Variants in ADAMTS3 observed in about 807,000 individuals in gnomAD.
ADAMTS3 encodes the protein ADAM metallopeptidase with thrombospondin type 1 motif 3.
In ADAMTS3, 73 loss-of-function variants were observed where a neutral mutation model predicts 129.0. The observed-to-expected ratio is 0.57, with a 90% CI of 0.47 to 0.69. ADAMTS3 has a LOEUF of 0.69. Ranked by LOEUF, ADAMTS3 falls within the 30% of genes least tolerant of loss-of-function variation. The probability of loss-of-function intolerance (pLI) is 0.00; values close to 1 mark genes in which losing one functional copy is unlikely to be tolerated. For missense variants in ADAMTS3, 1,457 were observed against 1,514.5 expected (o/e 0.96, Z 0.63); for synonymous variants, 477 against 510.8 (o/e 0.93, Z 0.89).
At chr4:72,294,652 C>A (rs763885222) in intron 19 of ADAMTS3, among the ~76,000 whole-genome samples, 25 of 152,128 alleles carry the variant, frequency 1.6e-4, no homozygotes, top group Middle Eastern at 6.8e-3. Context: ...AATTTCATCA[C>A]TGGGATTTCA....
intron 5 of ADAMTS3, among the ~76,000 whole-genome samples, chr4:72,328,499 A>C (rs1719754024): frequency 6.6e-6 from 1 of 152,148 alleles, no homozygotes; most frequent in African/African-American, 2.4e-5. Flanking sequence ...ATAGCTTAGC[A>C]GTGGAGAGCA....
intron 5 of ADAMTS3, among the ~76,000 whole-genome samples, chr4:72,325,727 T>C (rs1019995966): frequency 5.3e-5 from 8 of 152,156 alleles, no homozygotes; most frequent in African/African-American, 1.9e-4. Context: ...TTACAGCCAA[T>C]GCATATAACA....
At chr4:72,434,915 T>C (rs531955097) in intron 3 of ADAMTS3, among the ~76,000 whole-genome samples, 81 of 151,890 alleles carry the variant, frequency 5.3e-4, no homozygotes, top group African/African-American at 1.9e-3. Context: ...GGAGAAAAGA[T>C]TGGTTTCTAG....
chr4:72,306,225 G>A (rs533079355), intron 15 of ADAMTS3, among the ~76,000 whole-genome samples, 158 bp from the exon 16 acceptor site: 1 of 152,034 alleles, frequency 6.6e-6, no homozygotes, highest in South Asian at 2.1e-4. Flanking sequence ...AGCATTGGTA[G>A]CTTTTGTGAC....
At chr4:72,337,880 T>G (rs80103135) in intron 5 of ADAMTS3, among the ~76,000 whole-genome samples, 1 of 152,150 alleles carries the variant, frequency 6.6e-6, no homozygotes, top group Non-Finnish European at 1.5e-5. Flanking sequence ...AAAATCTCTA[T>G]TGCATTACTC....
chr4:72,509,328 G>A (rs752825357), intron 3 of ADAMTS3, among the ~76,000 whole-genome samples: 8 of 151,316 alleles, frequency 5.3e-5, no homozygotes, highest in Non-Finnish European at 7.4e-5. Context: ...AAAGATCAAC[G>A]AAACAAAAAA....
At chr4:72,477,299 CTCA>C (rs1255519186) in intron 3 of ADAMTS3, among the ~76,000 whole-genome samples, 4 of 152,122 alleles carry the variant, frequency 2.6e-5, no homozygotes, top group Non-Finnish European at 4.4e-5. Flanking sequence ...AAGTAAAGCT[CTCA>C]TCAGCAAATG....
At position 72,290,939 on chromosome 4, in the gene ADAMTS3, G is replaced by A; in HGVS notation, c.2847C>T (p.Tyr949=). Residue 949 remains tyrosine, a synonymous_variant, in exon 20 of 22, where the codon TAC becomes TAT. Coordinates refer to ENST00000286657, the MANE Select transcript of ADAMTS3 (RefSeq NM_014243.3). ...GGCTCTCGGGACGGTCACCCATGCA[G>A]TATTTGCTGTGCACAGAGCGGTTGG... ...DGTNRSVHSK[Y]CMGDRPESRR... 1.2e-6 allele frequency: 2 copies of A among 1,614,108 alleles called. No individual in the cohort carries two copies. Among genetic ancestry groups the A allele is most frequent in the Non-Finnish European group, 1.7e-6 (2 of 1,179,986 alleles).
intron 5 of ADAMTS3, among the ~76,000 whole-genome samples, chr4:72,333,479 T>C (rs1002199604): frequency 6.6e-6 from 1 of 152,200 alleles, no homozygotes; most frequent in Non-Finnish European, 1.5e-5. Flanking sequence ...CATTGTCTAA[T>C]AAAGCATCCT....
intron 3 of ADAMTS3, among the ~76,000 whole-genome samples, chr4:72,539,342 G>T (rs1319320620): frequency 6.6e-6 from 1 of 151,800 alleles, no homozygotes; most frequent in Non-Finnish European, 1.5e-5. Flanking sequence ...ATGAGCAAAT[G>T]ACTTCAGTAG....
chr4:72,503,313 T>C (rs1281558891), intron 3 of ADAMTS3, among the ~76,000 whole-genome samples: 1 of 152,144 alleles, frequency 6.6e-6, no homozygotes, highest in Non-Finnish European at 1.5e-5. Flanking sequence ...GAGACACCAC[T>C]CCCAGCCTTG....
chr4:72,442,872 G>T (rs1275653809), intron 3 of ADAMTS3, among the ~76,000 whole-genome samples: 8 of 151,700 alleles, frequency 5.3e-5, no homozygotes, highest in Non-Finnish European at 5.9e-5. Context: ...GTAGAAAGGG[G>T]TGACAGATAT....
intron 4 of ADAMTS3, among the ~76,000 whole-genome samples, chr4:72,407,290 C>A (rs1191836690): frequency 1.8e-4 from 28 of 152,070 alleles, no homozygotes; most frequent in Non-Finnish European, 8.8e-5. Context: ...GGTTCTAATA[C>A]CCCAATTTCC....
At chr4:72,549,593 T>C (rs1028300162) in intron 2 of ADAMTS3, among the ~76,000 whole-genome samples, 3 of 152,074 alleles carry the variant, frequency 2.0e-5, no homozygotes, top group East Asian at 1.9e-4. Context: ...TTTTAGAAAA[T>C]TAGAAGAATG....
chr4:72,447,011 A>G (rs1718269491), intron 3 of ADAMTS3, among the ~76,000 whole-genome samples: 1 of 151,732 alleles, frequency 6.6e-6, no homozygotes, highest in South Asian at 2.1e-4. Flanking sequence ...TGAATCAGAC[A>G]ATACAGTAAA....
intron 4 of ADAMTS3, among the ~76,000 whole-genome samples, chr4:72,400,051 TG>T (rs1721856406): frequency 6.8e-5 from 1 of 14,662 alleles, no homozygotes; most frequent in Admixed American, 8.1e-4. Flanking sequence ...ACACACGGTG[TG>T]TATATACGTG....
chr4:72,469,257 T>C (rs1344968660), intron 3 of ADAMTS3, among the ~76,000 whole-genome samples: 1 of 152,114 alleles, frequency 6.6e-6, no homozygotes, highest in African/African-American at 2.4e-5. Flanking sequence ...GGCTGGTGAA[T>C]ACAGATATGA....
In ADAMTS3 at chr4:72,304,087, G is replaced by C. The variant is rs907620811; in HGVS notation, c.2261-7C>G. ...GTAGCCTGGTTCTTAATAGCTAAAG[G>C]GAGAAAAATGAGTAACCAGCATACA... On this transcript the variant is annotated splice_polypyrimidine_tract_variant and splice_region_variant and intron_variant, in intron 16 of 21. Transcript: ENST00000286657. 8 of 1,611,100 alleles carry C rather than the reference G, an allele frequency of 5.0e-6. No individual in the cohort carries two copies. Among genetic ancestry groups the C allele is most frequent in the Non-Finnish European group, 5.9e-6 (7 of 1,178,638 alleles).
At position 72,318,609 on chromosome 4, in the gene ADAMTS3, C is replaced by T. The variant is rs773209075; in HGVS notation, c.1448G>A (p.Arg483His). The change falls in exon 10 of 22, where the codon CGT (arginine) becomes CAT (histidine). Residue 483 changes from arginine to histidine, a missense_variant. Coordinates refer to ENST00000286657, the MANE Select transcript of ADAMTS3 (RefSeq NM_014243.3). ...GINYSMDEQC[R>H]FDFGVGYKMC... ...TTTATAGCCAACACCAAAATCAAAA[C>T]GACATTGCTCATCCATAGAATAATT... 24 of 1,613,652 alleles carry T rather than the reference C, an allele frequency of 1.5e-5. No individual in the cohort carries two copies. The highest frequency in any genetic ancestry group is 3.3e-5 in the Admixed American group (2 of 59,972).
Sources: allele counts gnomAD v4.1 joint callset (sites outside exome capture counted in the v4.1 genomes callset), GRCh38; gene constraint gnomAD v4.1.1; transcripts MANE v1.5; gene names NCBI Gene and HGNC (gene_info 2026-07-23, HGNC 2026-07-21).